Variants in MYH7B observed in about 807,000 individuals in gnomAD.
MYH7B encodes myosin heavy chain 7B, also known as myosin-7B.
In MYH7B, 205 loss-of-function variants were observed where a neutral mutation model predicts 234.5. That is an observed-to-expected ratio of 0.87 (90% CI 0.78 to 0.98). The LOEUF (loss-of-function observed/expected upper bound fraction) is 0.98, where lower values mean the gene tolerates loss of function less well. Among genes scored for constraint, MYH7B ranks in the 50% least tolerant of loss-of-function variants. The pLI is 0.00. For synonymous variants in MYH7B, 1,193 were observed against 1,105.0 expected, an observed-to-expected ratio of 1.08 and a Z score of -1.58; for missense variants, 2,652 against 2,633.4, an observed-to-expected ratio of 1.01 and a Z score of -0.15.
Position 34,996,699 on chromosome 20 carries a change from G to A in MYH7B, c.3207G>A (p.Thr1069=), listed in dbSNP as rs781185421. ...AGCTGGAGGGTGACCTGAAGCTGAC[G>A]CAGGAGTCGGTGGCTGATGCTGCTC... Residue 1069 remains threonine (T), a synonymous_variant, in exon 30 of 45, where the codon ACG becomes ACA. Coordinates refer to ENST00000262873, the Ensembl canonical transcript of MYH7B. The A allele has an allele frequency of 6.8e-6, 11 of 1,613,496 alleles. No individual in the cohort carries two copies. The highest frequency in any genetic ancestry group is 2.7e-5 in the African/African-American group (2 of 74,944).
chr20:34,997,606 T>G, exon 32 of MYH7B: 2 of 1,613,674 alleles, frequency 1.2e-6, no homozygotes, highest in Non-Finnish European at 1.7e-6. Context: ...GTGGACGACC[T>G]GGCTGCCAAC....
intron 38 of MYH7B, among the ~76,000 whole-genome samples, 188 bp from the exon 39 acceptor site, chr20:35,000,103 CTG>C (rs1226663434): frequency 6.6e-6 from 1 of 152,202 alleles, no homozygotes; most frequent in Non-Finnish European, 1.5e-5. Flanking sequence ...CAGTCCACCT[CTG>C]TCTGCCTGGG....
chr20:34,993,691 G>A (rs1421913105), intron 26 of MYH7B, among the ~76,000 whole-genome samples: 2 of 152,250 alleles, frequency 1.3e-5, no homozygotes, highest in Admixed American at 6.5e-5. Flanking sequence ...CGTGTGGCCC[G>A]GAGGGGTAGC....
exon 20 of MYH7B, chr20:34,989,824 A>G (rs1227179710): frequency 1.2e-6 from 2 of 1,614,146 alleles, no homozygotes. Context: ...GCTCTACGAC[A>G]ACCACGCGGG....
intron 3 of MYH7B, among the ~76,000 whole-genome samples, chr20:34,977,085 T>G: frequency 1.4e-5 from 1 of 73,940 alleles, no homozygotes; most frequent in East Asian, 3.9e-4. Flanking sequence ...TCTCACTCCT[T>G]CTCTTTTTGA....
chr20:34,999,093 G>A (rs746852539), exon 36 of MYH7B: 1 of 1,613,080 alleles, frequency 6.2e-7, no homozygotes, highest in East Asian at 2.2e-5. Flanking sequence ...GGCAGAGGAG[G>A]GCGTGGAGGC....
chr20:34,978,363 A>T (rs1320590438), intron 5 of MYH7B, among the ~76,000 whole-genome samples: 3 of 152,140 alleles, frequency 2.0e-5, no homozygotes. Context: ...GCAGTTTATG[A>T]AGACTCAGGC....
intron 18 of MYH7B, 77 bp downstream of exon 18, chr20:34,987,991 G>A: frequency 6.4e-7 from 1 of 1,560,116 alleles, no homozygotes; most frequent in South Asian, 1.2e-5. Flanking sequence ...CAGAAGCCCT[G>A]GCCTTCTGCC....
At chr20:34,970,548 A>G (rs575296812) in intron 2 of MYH7B, among the ~76,000 whole-genome samples, 6 of 151,696 alleles carry the variant, frequency 4.0e-5, no homozygotes, top group African/African-American at 1.4e-4. Context: ...CTATTTCAGC[A>G]GGGTGGGTGG....
At chr20:34,987,398 G>A (rs2082048780) in intron 16 of MYH7B, 111 bp downstream of exon 16, 1 of 1,484,598 alleles carries the variant, frequency 6.7e-7, no homozygotes, top group Admixed American at 1.8e-5. Flanking sequence ...ACCTGGCCCT[G>A]CCTCCTCAGC....
exon 8 of MYH7B, chr20:34,980,709 C>T: frequency 6.2e-7 from 1 of 1,614,174 alleles, no homozygotes; most frequent in Non-Finnish European, 8.5e-7. Context: ...CGGTGGCGGA[C>T]AACGCCTACA....
chr20:34,997,634 C>T lies in MYH7B; in HGVS notation c.3741C>T (p.Arg1247=), dbSNP rs55734215. The T allele has an allele frequency of 0.089, 143,727 of 1,613,056 alleles. 7,028 individuals carry two copies. The highest frequency in any genetic ancestry group is 0.15 in the South Asian group (13,327 of 91,044). ...CTGCCAACGTGGAGACTCTGACCCG[C>T]GCCAAGGTGTCCGTGCCTTCCTCAC... Residue 1247 remains arginine (R), a synonymous_variant, in exon 32 of 45, where the codon CGC becomes CGT. Coordinates refer to ENST00000262873, the Ensembl canonical transcript of MYH7B.
chr20:34,977,738 G>GGGGGGGGGGGGGGGGGGGGT, intron 4 of MYH7B, 58 bp downstream of exon 4: 2 of 317,152 alleles, frequency 6.3e-6, no homozygotes, highest in South Asian at 2.1e-5. Flanking sequence ...GGGCGGGTGG[G>GGGGGGGGGGGGGGGGGGGGT]TGAGGGTGCC....
At chr20:34,960,953 C>CT (rs1401913003) in intron 2 of MYH7B, among the ~76,000 whole-genome samples, 21 of 152,258 alleles carry the variant, frequency 1.4e-4, no homozygotes, top group South Asian at 1.0e-3. Context: ...TGGGCTTTGC[C>CT]TTAGGCCCTC....
exon 12 of MYH7B, chr20:34,984,932 A>G: frequency 6.2e-6 from 10 of 1,613,808 alleles, no homozygotes; most frequent in Non-Finnish European, 8.5e-6. Context: ...GAGGAATGAT[A>G]ACTCCTCCCG....
intron 1 of MYH7B, among the ~76,000 whole-genome samples, chr20:34,956,470 T>G (rs1042727161): frequency 6.6e-6 from 1 of 152,194 alleles, no homozygotes; most frequent in African/African-American, 2.4e-5. Flanking sequence ...CCCAGGTGCC[T>G]TCCCTGTTTC....
chr20:34,973,338 T>C (rs113914445), intron 2 of MYH7B, among the ~76,000 whole-genome samples: 2 of 152,348 alleles, frequency 1.3e-5, no homozygotes, highest in African/African-American at 4.8e-5. Flanking sequence ...TTTCCTTTCC[T>C]AGACAATGAG....
chr20:34,985,022 TGCTG>T (rs2081995575), intron 12 of MYH7B, 40 bp from the exon 13 acceptor site: 2 of 1,611,980 alleles, frequency 1.2e-6, no homozygotes, highest in African/African-American at 2.7e-5. Context: ...GTGGGGACAG[TGCTG>T]GCTGTGCCCC....
At chr20:34,996,725 A>G (rs1350730881) in exon 30 of MYH7B, 1 of 1,613,100 alleles carries the variant, frequency 6.2e-7, no homozygotes, top group Non-Finnish European at 8.5e-7. Flanking sequence ...GATGCTGCTC[A>G]AGACAAGCAG....
Sources: allele counts gnomAD v4.1 joint callset (sites outside exome capture counted in the v4.1 genomes callset), GRCh38; gene constraint gnomAD v4.1.1; transcripts MANE v1.5; gene names NCBI Gene and HGNC (gene_info 2026-07-23, HGNC 2026-07-21).